PRKAA2: variants seen among roughly 807,000 people sequenced by gnomAD.
PRKAA2 encodes the protein 5'-AMP-activated protein kinase catalytic subunit alpha-2.
PRKAA2 carries 40 observed loss-of-function variants against 56.3 expected under a neutral mutation model. The observed-to-expected ratio is 0.71, with a 90% CI of 0.55 to 0.92. The LOEUF (loss-of-function observed/expected upper bound fraction) is 0.92, where lower values mean the gene tolerates loss of function less well. PRKAA2 is among the 40% of genes least tolerant of loss of function. The pLI, the probability that PRKAA2 is intolerant of heterozygous loss-of-function variation, is 0.00. For missense variants in PRKAA2, 542 were observed against 686.9 expected (o/e 0.79, Z 2.36); for synonymous variants, 214 against 234.2 (o/e 0.91, Z 0.79).
chr1:56,689,643 C>CA (rs1452711683), intron 2 of PRKAA2, among the ~76,000 whole-genome samples: 3 of 152,118 alleles, frequency 2.0e-5, no homozygotes, highest in Middle Eastern at 3.4e-3. Context: ...TTCTTGAACC[C>CA]AGGAGGTGGG....
intron 2 of PRKAA2, among the ~76,000 whole-genome samples, chr1:56,690,019 A>G (rs188347282): frequency 4.9e-4 from 74 of 152,168 alleles, no homozygotes; most frequent in African/African-American, 1.8e-3. Context: ...TTCACCTTCA[A>G]CAGTAGTCAA....
intron 2 of PRKAA2, among the ~76,000 whole-genome samples, chr1:56,685,676 A>C (rs1322409113): frequency 1.3e-5 from 2 of 152,198 alleles, no homozygotes; most frequent in Non-Finnish European, 2.9e-5. Context: ...ATCTAGATTT[A>C]AGAGTGGGTT....
At chr1:56,706,927 G>C (rs553559777) in intron 8 of PRKAA2, among the ~76,000 whole-genome samples, 3 of 152,192 alleles carry the variant, frequency 2.0e-5, no homozygotes, top group African/African-American at 7.2e-5. Flanking sequence ...TGTTTATATG[G>C]ATCCCAGACC....
chr1:56,655,174 G>T (rs1310438734), intron 1 of PRKAA2, among the ~76,000 whole-genome samples: 1 of 143,212 alleles, frequency 7.0e-6, no homozygotes, highest in Non-Finnish European at 1.5e-5. Context: ...CTAAATGCTT[G>T]TTTTACTTGG....
At chr1:56,674,608 AC>A in intron 2 of PRKAA2, 86 bp downstream of exon 2, 2 of 1,165,266 alleles carry the variant, frequency 1.7e-6, no homozygotes, top group Admixed American at 5.8e-5. Flanking sequence ...TTAATTGTTA[AC>A]CTTTTACAAA....
intron 1 of PRKAA2, among the ~76,000 whole-genome samples, chr1:56,667,931 TA>T (rs1644047217): frequency 6.6e-6 from 1 of 152,142 alleles, no homozygotes; most frequent in African/African-American, 2.4e-5. Context: ...CTTTTTAGTC[TA>T]AATTTTAAGT....
Position 56,710,876 on chromosome 1 carries a change from T to C in PRKAA2, c.*3163T>C, listed in dbSNP as rs1349727598. ...GTCACTGATTCTTACTTTTAAAATG[T>C]GTAGTCAGTGAACATTTTCTAAATA... On this transcript the variant is annotated 3_prime_UTR_variant, in exon 9 of 9. Coordinates refer to ENST00000371244, the MANE Select transcript of PRKAA2 (RefSeq NM_006252.4). 2 of 152,118 alleles carry C rather than the reference T, an allele frequency of 1.3e-5. No individual in the cohort carries two copies. The highest frequency in any genetic ancestry group is 2.9e-5 in the Non-Finnish European group (2 of 67,986). 9.4% of individuals were successfully genotyped at this position (152,118 alleles called of 1,614,324 possible).
intron 1 of PRKAA2, among the ~76,000 whole-genome samples, chr1:56,667,287 A>G (rs946707523): frequency 1.3e-5 from 2 of 152,020 alleles, no homozygotes; most frequent in South Asian, 2.1e-4. Flanking sequence ...CTTAGGGCCA[A>G]TTTAAAGGTC....
At position 56,707,802 on chromosome 1, in the gene PRKAA2, A is replaced by G. The variant is rs1052089527; in HGVS notation, c.*89A>G. On this transcript the variant is annotated 3_prime_UTR_variant, in exon 9 of 9. Transcript: ENST00000371244. ...CTTACTTTTGGATAATATCCACTGC[A>G]ATACTAATTGAGAAACATGAATTAT... 1.3e-5 allele frequency: 15 copies of G among 1,160,942 alleles called. No individual in the cohort carries two copies. Among genetic ancestry groups the G allele is most frequent in the Non-Finnish European group, 1.8e-5 (15 of 810,904 alleles). 71.9% of individuals were successfully genotyped at this position (1,160,942 alleles called of 1,614,324 possible). A position where few individuals can be genotyped will look rare whatever the true frequency, so the allele number is the denominator to read the frequency against.
intron 1 of PRKAA2, among the ~76,000 whole-genome samples, chr1:56,661,287 G>A (rs771760959): frequency 1.1e-4 from 16 of 151,924 alleles, no homozygotes; most frequent in Admixed American, 4.6e-4. Flanking sequence ...ACACATCCAC[G>A]TAACCACCAC....
chr1:56,699,341 A>T (rs899292743), intron 6 of PRKAA2, among the ~76,000 whole-genome samples: 4 of 152,174 alleles, frequency 2.6e-5, no homozygotes, highest in African/African-American at 9.7e-5. Context: ...GGTAGTAGTG[A>T]TAGAAAAATA....
At chr1:56,703,419 G>T (rs1439157453) in intron 6 of PRKAA2, among the ~76,000 whole-genome samples, 2 of 152,058 alleles carry the variant, frequency 1.3e-5, no homozygotes, top group East Asian at 3.8e-4. Context: ...AGACAGCTAG[G>T]TTCTCATACC....
At position 56,704,309 on chromosome 1, in the gene PRKAA2, A is replaced by G. The variant is rs945537313; in HGVS notation, c.1127A>G (p.Asp376Gly). The part of the protein sequence containing the change: ...HPERMPPLIA[D>G]SPKARCPLDA... ...GAAAGGATGCCACCTCTTATAGCAGACAGCCCCAAAGCAAGATGTCCATTG... is the reference window on the plus strand; with the variant it reads ...GAAAGGATGCCACCTCTTATAGCAGGCAGCCCCAAAGCAAGATGTCCATTG... Residue 376 changes from aspartate (D) to glycine (G), a missense_variant, in exon 7 of 9, where the codon GAC (aspartate) becomes GGC (glycine). By Grantham distance (94) the Asp-to-Gly change is moderately conservative. Transcript: ENST00000371244. 2 of 1,614,022 alleles carry G rather than the reference A, an allele frequency of 1.2e-6. No homozygotes were observed. Among genetic ancestry groups the G allele is most frequent in the African/African-American group, 2.7e-5 (2 of 74,910 alleles).
chr1:56,688,704 A>G (rs12749128), intron 2 of PRKAA2, among the ~76,000 whole-genome samples: 2,543 of 152,342 alleles, frequency 0.017, 26 homozygotes, highest in Non-Finnish European at 0.023. Context: ...AGAGATGGCA[A>G]GGGCCTGATT....
At position 56,704,094 on chromosome 1, in the gene PRKAA2, A is replaced by G. The variant is rs767990801; in HGVS notation, c.912A>G (p.Glu304=). The G allele has an allele frequency of 1.2e-6, 2 of 1,614,086 alleles. No individual in the cohort carries two copies. The highest frequency in any genetic ancestry group is 4.5e-5 in the East Asian group (2 of 44,892). Residue 304 remains glutamate (E), a synonymous_variant, in exon 7 of 9, where the codon GAA becomes GAG. Coordinates refer to ENST00000371244, the MANE Select transcript of PRKAA2 (RefSeq NM_006252.4). ...KEVCEKFECT[E]SEVMNSLYSG... Reference sequence around the variant, plus strand: ...TGTGTGAAAAATTTGAATGTACAGAATCAGAAGTAATGAACAGTTTATATA... The same window carrying G: ...TGTGTGAAAAATTTGAATGTACAGAGTCAGAAGTAATGAACAGTTTATATA...
chr1:56,667,846 G>A (rs2100397654), intron 1 of PRKAA2, among the ~76,000 whole-genome samples: 1 of 152,240 alleles, frequency 6.6e-6, no homozygotes, highest in South Asian at 2.1e-4. Context: ...CACCCTGAAG[G>A]ATGATGTCCA....
intron 4 of PRKAA2, among the ~76,000 whole-genome samples, 190 bp from the exon 5 acceptor site, chr1:56,693,575 G>T (rs944418573): frequency 2.6e-5 from 4 of 151,850 alleles, no homozygotes; most frequent in Admixed American, 6.6e-5. Flanking sequence ...ATGTGCTTTA[G>T]CTTTTTGTTA....
At chr1:56,675,661 A>C (rs1644107939) in intron 2 of PRKAA2, among the ~76,000 whole-genome samples, 1 of 152,252 alleles carries the variant, frequency 6.6e-6, no homozygotes, top group African/African-American at 2.4e-5. Flanking sequence ...ATTATTTTTA[A>C]TATACCATTA....
At chr1:56,692,695 A>G (rs1385245872) in intron 4 of PRKAA2, among the ~76,000 whole-genome samples, 193 bp downstream of exon 4, 2 of 152,136 alleles carry the variant, frequency 1.3e-5, no homozygotes, top group South Asian at 2.1e-4. Context: ...CACTTTAAAA[A>G]TGCAGATACC....
Sources: allele counts gnomAD v4.1 joint callset (sites outside exome capture counted in the v4.1 genomes callset), GRCh38; gene constraint gnomAD v4.1.1; transcripts MANE v1.5; gene names NCBI Gene and HGNC (gene_info 2026-07-23, HGNC 2026-07-21).